The following LINGO2 variants were observed in gnomAD, a reference collection of about 807,000 sequenced individuals.
LINGO2 encodes the protein leucine-rich repeat and immunoglobulin-like domain-containing nogo receptor-interacting protein 2.
A neutral mutation model predicts 30.6 loss-of-function variants in LINGO2; 14 were observed. The observed-to-expected ratio is 0.46, with a 90% confidence interval of 0.30 to 0.72. The LOEUF (loss-of-function observed/expected upper bound fraction) is 0.72. Ranked by LOEUF, LINGO2 falls within the 30% of genes least tolerant of loss-of-function variation. LINGO2 has a pLI of 0.07. For synonymous variants in LINGO2, 317 were observed against 288.5 expected (o/e 1.10, Z -1.00); for missense variants, 729 against 751.7 (o/e 0.97, Z 0.35).
the LINGO2 span, among the ~76,000 whole-genome samples, chr9:29,210,361 G>T: frequency 6.6e-6 from 1 of 152,054 alleles, no homozygotes; most frequent in Admixed American, 6.6e-5. Context: ...GGTTTTAGAG[G>T]TGTCTTTCAG....
chr9:28,412,758 A>C (rs1220427194), intron 2 of LINGO2, among the ~76,000 whole-genome samples: 1 of 152,124 alleles, frequency 6.6e-6, no homozygotes, highest in African/African-American at 2.4e-5. Context: ...ATTTTCATTA[A>C]GAAATCTAAA....
At chr9:28,602,562 T>C (rs1825533095) in intron 1 of LINGO2, among the ~76,000 whole-genome samples, 1 of 152,110 alleles carries the variant, frequency 6.6e-6, no homozygotes, top group African/African-American at 2.4e-5. Flanking sequence ...AAACCGCCTA[T>C]GCATTTAAAA....
intron 4 of LINGO2, among the ~76,000 whole-genome samples, chr9:28,049,332 T>C (rs969924857): frequency 4.6e-5 from 7 of 150,862 alleles, no homozygotes; most frequent in African/African-American, 1.7e-4. Flanking sequence ...AGTTACAACA[T>C]AGTACGTACA....
the LINGO2 span, among the ~76,000 whole-genome samples, chr9:28,813,188 A>G: frequency 1.6e-3 from 240 of 152,128 alleles, no homozygotes; most frequent in African/African-American, 5.6e-3. Context: ...TGAGAAGAAA[A>G]TGGGATACAG....
At chr9:29,168,094 T>C in the LINGO2 span, among the ~76,000 whole-genome samples, 2 of 152,066 alleles carry the variant, frequency 1.3e-5, no homozygotes, top group Non-Finnish European at 2.9e-5. Flanking sequence ...GCAAATGAAG[T>C]CTTGAACTAG....
chr9:28,581,661 T>C (rs1335781768), intron 1 of LINGO2, among the ~76,000 whole-genome samples: 2 of 151,796 alleles, frequency 1.3e-5, no homozygotes, highest in African/African-American at 4.8e-5. Context: ...TTCTTGTGAA[T>C]AGATGCTGAT....
the LINGO2 span, among the ~76,000 whole-genome samples, chr9:29,019,545 T>G: frequency 2.0e-5 from 3 of 152,148 alleles, no homozygotes; most frequent in African/African-American, 7.2e-5. Context: ...ATCATCTTAC[T>G]GTGATATTGG....
chr9:28,261,715 CAAGAA>C (rs1273823624), intron 4 of LINGO2, among the ~76,000 whole-genome samples: 1 of 151,654 alleles, frequency 6.6e-6, no homozygotes, highest in Non-Finnish European at 1.5e-5. Context: ...ACATATTATT[CAAGAA>C]GAGAACCATG....
At chr9:28,117,195 TG>T (rs924994945) in intron 4 of LINGO2, among the ~76,000 whole-genome samples, 6 of 151,854 alleles carry the variant, frequency 4.0e-5, no homozygotes, top group African/African-American at 1.4e-4. Context: ...GTGCCCCTGG[TG>T]GGGGGTGCCT....
intron 4 of LINGO2, among the ~76,000 whole-genome samples, chr9:28,207,382 T>C (rs1820444807): frequency 6.6e-6 from 1 of 152,094 alleles, no homozygotes; most frequent in Non-Finnish European, 1.5e-5. Flanking sequence ...TTTACATAAA[T>C]TGTAGCAGAT....
chr9:28,826,654 G>A, the LINGO2 span, among the ~76,000 whole-genome samples: 2 of 152,270 alleles, frequency 1.3e-5, no homozygotes, highest in East Asian at 1.9e-4. Context: ...CCATGTCTAG[G>A]TAGGTAGAGA....
At chr9:29,022,815 C>CA in the LINGO2 span, among the ~76,000 whole-genome samples, 7 of 152,062 alleles carry the variant, frequency 4.6e-5, no homozygotes, top group Non-Finnish European at 8.8e-5. Context: ...CAGCACTTAT[C>CA]AAGGCATTGT....
At chr9:29,170,697 T>C in the LINGO2 span, among the ~76,000 whole-genome samples, 1 of 152,072 alleles carries the variant, frequency 6.6e-6, no homozygotes, top group Non-Finnish European at 1.5e-5. Context: ...AGAATTACTA[T>C]TCATGACATA....
the LINGO2 span, among the ~76,000 whole-genome samples, chr9:29,093,249 AATATT>A: frequency 7.5e-6 from 1 of 133,810 alleles, no homozygotes; most frequent in South Asian, 2.3e-4. Flanking sequence ...TTAAAAGTAA[AATATT>A]ATAATTAATT....
intron 4 of LINGO2, among the ~76,000 whole-genome samples, chr9:28,090,248 G>A (rs1252544245): frequency 2.6e-5 from 4 of 152,096 alleles, no homozygotes; most frequent in Non-Finnish European, 5.9e-5. Flanking sequence ...AAGCCTGACA[G>A]AAACACAACA....
At chr9:29,131,151 G>A in the LINGO2 span, among the ~76,000 whole-genome samples, 10 of 152,218 alleles carry the variant, frequency 6.6e-5, no homozygotes, top group African/African-American at 9.6e-5. Flanking sequence ...TAAGGAAAGT[G>A]TTTTATTTCG....
intron 2 of LINGO2, among the ~76,000 whole-genome samples, chr9:28,401,123 A>T (rs1822245014): frequency 6.6e-6 from 1 of 152,200 alleles, no homozygotes; most frequent in African/African-American, 2.4e-5. Flanking sequence ...AAAGACATGT[A>T]GTGACAAAAC....
intron 4 of LINGO2, among the ~76,000 whole-genome samples, chr9:28,027,928 T>C (rs2183920): frequency 0.14 from 21,067 of 152,096 alleles, 1,659 homozygotes; most frequent in South Asian, 0.25. Flanking sequence ...CAAAAGTATA[T>C]AGGAGTGGTG....
the LINGO2 span, among the ~76,000 whole-genome samples, chr9:28,895,682 T>C: frequency 6.6e-6 from 1 of 152,070 alleles, no homozygotes; most frequent in Non-Finnish European, 1.5e-5. Flanking sequence ...CTCTGTTTGA[T>C]ATTTAGATTG....
Sources: allele counts gnomAD v4.1 joint callset (sites outside exome capture counted in the v4.1 genomes callset), GRCh38; gene constraint gnomAD v4.1.1; transcripts MANE v1.5; gene names NCBI Gene and HGNC (gene_info 2026-07-23, HGNC 2026-07-21).